Variants in SNTB1 observed in about 807,000 individuals in gnomAD.
The protein encoded by SNTB1 is beta-1-syntrophin.
A neutral mutation model predicts 48.9 loss-of-function variants in SNTB1; 36 were observed. The observed-to-expected ratio is 0.74, with a 90% confidence interval of 0.56 to 0.97. SNTB1 has a LOEUF of 0.97. Ranked by LOEUF, SNTB1 falls within the 50% of genes least tolerant of loss-of-function variation. The probability of loss-of-function intolerance (pLI) is 0.00; values close to 1 mark genes in which losing one functional copy is unlikely to be tolerated. For missense variants in SNTB1, 786 were observed against 703.4 expected (o/e 1.12, Z -1.33); for synonymous variants, 299 against 294.6 (o/e 1.01, Z -0.15).
rs1279371922 is a variant in SNTB1 at position 120,689,007 on chromosome 8, A to G, written c.788+4685T>C. Among the ~76,000 whole-genome samples, 129 of 152,208 alleles carry G rather than the reference A, an allele frequency of 8.5e-4. 1 individual carries two copies. The highest frequency in any genetic ancestry group is 8.8e-5 in the Non-Finnish European group (6 of 68,034). ...GCTCAGGGCAGTGGCTGTGAAGGCA[A>G]AGAGCTGAATATGAAAAACAAGAGA... On this transcript the variant is annotated intron_variant, in intron 2 of 6. Transcript: ENST00000517992.
At position 120,677,961 on chromosome 8, in the gene SNTB1, A is replaced by C. The variant is rs150191488; in HGVS notation, c.788+15731T>G. Among the ~76,000 whole-genome samples, 622 of 152,292 alleles carry C rather than the reference A, an allele frequency of 4.1e-3. 3 individuals are homozygous for C. The highest frequency in any genetic ancestry group is 6.9e-3 in the Non-Finnish European group (468 of 68,020). ...ATCTAGGGTTTGGTTTCCAGGTAAC[A>C]TGAAGAAACATTTTCCGATTGTCTG... is the stretch of plus-strand genomic sequence containing the variant. On this transcript the variant is annotated intron_variant, in intron 2 of 6. Coordinates refer to ENST00000517992, the MANE Select transcript of SNTB1 (RefSeq NM_021021.4).
chr8:120,748,590 C>T (rs1000942203), intron 1 of SNTB1, among the ~76,000 whole-genome samples: 4 of 152,032 alleles, frequency 2.6e-5, no homozygotes, highest in Non-Finnish European at 5.9e-5. Context: ...TAAAGCTGCC[C>T]ATAGAAGAAG....
intron 4 of SNTB1, among the ~76,000 whole-genome samples, chr8:120,571,574 T>C (rs112728038): frequency 0.22 from 31,616 of 144,536 alleles, 3,578 homozygotes; most frequent in Middle Eastern, 0.32. Context: ...CTCAGCTCAC[T>C]GCAACCTCTG....
chr8:120,554,098 C>T (rs947865475), intron 4 of SNTB1, among the ~76,000 whole-genome samples: 1 of 152,156 alleles, frequency 6.6e-6, no homozygotes, highest in East Asian at 1.9e-4. Flanking sequence ...GAAAAGAAAT[C>T]GATTCCCGGG....
At chr8:120,809,707 C>A (rs1820394895) in intron 1 of SNTB1, among the ~76,000 whole-genome samples, 1 of 152,182 alleles carries the variant, frequency 6.6e-6, no homozygotes, top group African/African-American at 2.4e-5. Flanking sequence ...CAGATCCCAC[C>A]TGCCCCTTGT....
intron 1 of SNTB1, among the ~76,000 whole-genome samples, chr8:120,802,262 A>G: frequency 6.6e-6 from 1 of 152,174 alleles, no homozygotes; most frequent in East Asian, 1.9e-4. Flanking sequence ...TCGGTTAATA[A>G]TATTTCCACA....
At chr8:120,733,447 T>C (rs78908372) in intron 1 of SNTB1, among the ~76,000 whole-genome samples, 11,898 of 152,364 alleles carry the variant, frequency 0.078, 462 homozygotes, top group Admixed American at 0.1. Context: ...TCAATGATTC[T>C]GGAGCTCCAA....
At chr8:120,749,520 G>C (rs1457072679) in intron 1 of SNTB1, among the ~76,000 whole-genome samples, 1 of 151,982 alleles carries the variant, frequency 6.6e-6, no homozygotes, top group Non-Finnish European at 1.5e-5. Context: ...GTATCTACGT[G>C]ATGTATCTTA....
chr8:120,550,714 A>C (rs1361319321), intron 4 of SNTB1, among the ~76,000 whole-genome samples: 1 of 152,152 alleles, frequency 6.6e-6, no homozygotes, highest in East Asian at 1.9e-4. Flanking sequence ...ATTTTATAAT[A>C]AGTGAGCAAG....
chr8:120,742,836 G>A (rs1189502680), intron 1 of SNTB1, among the ~76,000 whole-genome samples: 1 of 152,134 alleles, frequency 6.6e-6, no homozygotes, highest in Non-Finnish European at 1.5e-5. Context: ...CTCTCTTCTG[G>A]GTCTTGCAGA....
intron 2 of SNTB1, chr8:120,636,085 CT>C: frequency 2.0e-6 from 1 of 495,010 alleles, no homozygotes; most frequent in Non-Finnish European, 3.0e-6. Context: ...GAATTTATTT[CT>C]TATAGTTATG....
At chr8:120,800,408 GA>G (rs1820204369) in intron 1 of SNTB1, among the ~76,000 whole-genome samples, 1 of 152,192 alleles carries the variant, frequency 6.6e-6, no homozygotes, top group South Asian at 2.1e-4. Flanking sequence ...AGAGATTAAA[GA>G]CATTTTCAGA....
chr8:120,644,939 T>C (rs1204616405), intron 2 of SNTB1, among the ~76,000 whole-genome samples: 1 of 152,154 alleles, frequency 6.6e-6, no homozygotes, highest in Non-Finnish European at 1.5e-5. Flanking sequence ...TTTCATGTGT[T>C]TTTTGGCTGC....
At chr8:120,576,545 A>G (rs1815953974) in intron 3 of SNTB1, among the ~76,000 whole-genome samples, 1 of 152,298 alleles carries the variant, frequency 6.6e-6, no homozygotes, top group East Asian at 1.9e-4. Context: ...GGCTGCCTAA[A>G]TCTGAGTCTG....
At chr8:120,807,899 T>G (rs1458475959) in intron 1 of SNTB1, among the ~76,000 whole-genome samples, 2 of 152,090 alleles carry the variant, frequency 1.3e-5, no homozygotes, top group Admixed American at 6.5e-5. Context: ...GTTACATTAT[T>G]TATATTTATA....
chr8:120,684,836 A>C (rs1249767499), intron 2 of SNTB1, among the ~76,000 whole-genome samples: 1 of 151,976 alleles, frequency 6.6e-6, no homozygotes, highest in African/African-American at 2.4e-5. Flanking sequence ...TTGTATTTTT[A>C]GTAGAGATGG....
At chr8:120,657,516 T>C (rs565829731) in intron 2 of SNTB1, among the ~76,000 whole-genome samples, 82 of 152,334 alleles carry the variant, frequency 5.4e-4, no homozygotes, top group African/African-American at 1.9e-3. Flanking sequence ...GAAATGGGAA[T>C]TGGCAGCACT....
At chr8:120,546,960 C>G (rs1370789489) in intron 5 of SNTB1, among the ~76,000 whole-genome samples, 1 of 152,162 alleles carries the variant, frequency 6.6e-6, no homozygotes, top group Non-Finnish European at 1.5e-5. Flanking sequence ...GTGGGAAGTT[C>G]CTTGTCTCTG....
At chr8:120,661,464 A>T (rs985225704) in intron 2 of SNTB1, among the ~76,000 whole-genome samples, 4 of 152,088 alleles carry the variant, frequency 2.6e-5, no homozygotes, top group African/African-American at 9.7e-5. Context: ...TAGAGTCCAG[A>T]TTTCTTTTTT....
Sources: gnomAD v4.1 joint callset for allele counts (sites outside exome capture counted in the v4.1 genomes callset) on GRCh38, gnomAD v4.1.1 for gene constraint, MANE v1.5 for transcripts, NCBI Gene and HGNC (gene_info 2026-07-23, HGNC 2026-07-21) for gene names.